PLEKHG5: variants seen among roughly 807,000 people sequenced by gnomAD.
PLEKHG5 encodes the protein pleckstrin homology and RhoGEF domain containing G5, also known as pleckstrin homology domain-containing family G member 5.
Under a neutral mutation model 103.8 loss-of-function variants are expected in PLEKHG5, and 52 were observed. The observed-to-expected ratio is 0.50, with a 90% CI of 0.40 to 0.63. The LOEUF (loss-of-function observed/expected upper bound fraction) is 0.63, where lower values mean the gene tolerates loss of function less well. Among genes scored for constraint, PLEKHG5 ranks in the 30% least tolerant of loss-of-function variants. The probability of loss-of-function intolerance (pLI) is 0.00; values close to 1 mark genes in which losing one functional copy is unlikely to be tolerated. For missense variants in PLEKHG5, 1,205 were observed against 1,347.6 expected (o/e 0.89, Z 1.66); for synonymous variants, 592 against 575.5 (o/e 1.03, Z -0.41).
At chr1:6,496,657 G>A, upstream of PLEKHG5, 3 of 923,580 alleles carry the variant, frequency 3.2e-6, no homozygotes, top group Non-Finnish European at 4.8e-6. Flanking sequence ...GAGGGGTGGG[G>A]TGATCTCCTC....
rs1011890166 is a variant in PLEKHG5 at position 6,486,816 on chromosome 1, C to T, written c.-88+4821G>A. On this transcript the variant is annotated intron_variant, in intron 1 of 20. Transcript: ENST00000377728. This position sits in a 1 kb window ranked among gnomAD's most constrained non-coding sequence, Gnocchi z 5.3. Reference sequence around the variant, plus strand: ...AGTGACATAAAGAGACAAAAGTCTACAGGCAAGACTGAAACTCAGACTGTG... The same window carrying T: ...AGTGACATAAAGAGACAAAAGTCTATAGGCAAGACTGAAACTCAGACTGTG... 6.6e-6 allele frequency among the ~76,000 whole-genome samples: 1 copy of T among 152,234 alleles called. No individual in the cohort carries two copies. The highest frequency in any genetic ancestry group is 1.5e-5 in the Non-Finnish European group (1 of 68,042).
At chr1:6,495,966 C>T (rs747926060), upstream of PLEKHG5, among the ~76,000 whole-genome samples, 18 of 152,322 alleles carry the variant, frequency 1.2e-4, no homozygotes, top group Non-Finnish European at 1.6e-4. Context: ...ATTTATACTT[C>T]GCCCCACTCC....
intron 15 of PLEKHG5, 31 bp downstream of exon 15, chr1:6,470,475 G>C: frequency 6.2e-7 from 1 of 1,610,800 alleles, no homozygotes; most frequent in Non-Finnish European, 8.5e-7. Context: ...CTCTCTCCCA[G>C]CCGGCAACCC....
intron 1 of PLEKHG5, among the ~76,000 whole-genome samples, chr1:6,481,922 C>G (rs1194708820): frequency 2.1e-5 from 3 of 142,652 alleles, no homozygotes; most frequent in East Asian, 4.1e-4. Context: ...ATGACATTGA[C>G]TTTTTTTTTT....
upstream of PLEKHG5, among the ~76,000 whole-genome samples, chr1:6,492,308 G>A (rs1166150492): frequency 1.3e-5 from 2 of 152,108 alleles, no homozygotes; most frequent in Non-Finnish European, 2.9e-5. Context: ...CCTCCTCCAT[G>A]CCCCCTTGTG....
rs1270864252 is a variant in PLEKHG5, at chr1:6,487,358, A to G, written c.-88+4279T>C. On this transcript the variant is annotated intron_variant, in intron 1 of 20. Coordinates refer to ENST00000377728, the MANE Select transcript of PLEKHG5 (RefSeq NM_020631.6). The surrounding 1 kb of genome is among the most constrained non-coding windows in gnomAD (Gnocchi z 4.1). ...ACTAACTCCTGATCTCAAGTGATCC[A>G]CCCCCACCTTGGCCTCCCAAAGTGC... Among the ~76,000 whole-genome samples the G allele has an allele frequency of 6.6e-6, 1 of 151,742 alleles. No individual in the cohort carries two copies. Among genetic ancestry groups the G allele is most frequent in the Non-Finnish European group, 1.5e-5 (1 of 67,908 alleles).
In PLEKHG5 at chr1:6,505,786, C is replaced by G. The variant is rs1638300769; in HGVS notation, c.-164-9217G>C. 6.6e-6 allele frequency among the ~76,000 whole-genome samples: 1 copy of G among 152,234 alleles called. No individual in the cohort carries two copies. Among genetic ancestry groups the G allele is most frequent in the African/African-American group, 2.4e-5 (1 of 41,460 alleles). On this transcript the variant is annotated intron_variant, in intron 1 of 21. Transcript: ENST00000377740. The surrounding 1 kb of genome is among the most constrained non-coding windows in gnomAD (Gnocchi z 4.2). Reference sequence around the variant, plus strand: ...CAGGGCCCACGCTGCCCAGCCAGGCCAGCCCTGGAGGAAGGACAGCCTCCT... The same window carrying G: ...CAGGGCCCACGCTGCCCAGCCAGGCGAGCCCTGGAGGAAGGACAGCCTCCT...
intron 1 of PLEKHG5, among the ~76,000 whole-genome samples, chr1:6,513,620 G>A (rs1638535539): frequency 6.6e-6 from 1 of 152,186 alleles, no homozygotes; most frequent in Non-Finnish European, 1.5e-5. Context: ...GAGAGACTGG[G>A]GCCCTCTCGA....
At chr1:6,512,271 C>T (rs975742384) in intron 1 of PLEKHG5, among the ~76,000 whole-genome samples, 15 of 152,310 alleles carry the variant, frequency 9.8e-5, no homozygotes, top group African/African-American at 1.9e-4. Flanking sequence ...GCTGTGGGGT[C>T]ATCCCAGGCC....
chr1:6,505,849 T>C lies in PLEKHG5; in HGVS notation c.-164-9280A>G, dbSNP rs1638302014. On this transcript the variant is annotated intron_variant, in intron 1 of 21. Coordinates refer to the PLEKHG5 transcript ENST00000377740. The surrounding 1 kb of genome is among the most constrained non-coding windows in gnomAD (Gnocchi z 4.2). ...TGCCCTCTGGCCCCCAGGGTCCTCA[T>C]TTCCGGGTCCTCTCCTGCACCAGCG... is the stretch of plus-strand genomic sequence containing the variant. 6.6e-6 allele frequency among the ~76,000 whole-genome samples: 1 copy of C among 152,160 alleles called. No individual in the cohort carries two copies. Among genetic ancestry groups the C allele is most frequent in the African/African-American group, 2.4e-5 (1 of 41,438 alleles).
Position 6,473,329 on chromosome 1 carries a change from G to A in PLEKHG5, c.717C>T (p.Gly239=), listed in dbSNP as rs1192560625. Residue 239 remains glycine (G), a synonymous_variant, in exon 8 of 21, where the codon GGC becomes GGT. Transcript: ENST00000377728. ...PSGSSGSTNT[G]DSWKNRAASR... is the part of the protein sequence containing the mutation. ...TGGCCGCCCGGTTCTTCCAGCTGTC[G>A]CCAGTGTTGGTGCTGCCACTGCTGC... 4.5e-6 allele frequency: 7 copies of A among 1,560,584 alleles called. No homozygotes were observed. The highest frequency in any genetic ancestry group is 1.4e-5 in the African/African-American group (1 of 73,434).
In PLEKHG5 at chr1:6,519,899, C is replaced by T. The variant is rs563375502; in HGVS notation, c.-619G>A. 4.6e-4 allele frequency: 149 copies of T among 325,346 alleles called. 1 individual carries two copies. The highest frequency in any genetic ancestry group is 1.1e-3 in the Middle Eastern group (1 of 934). The allele number at this position is 325,346 out of a possible 1,614,324, so 20.2% of individuals were successfully genotyped here. ...ACACTGCTGGCTGCCCTGGAGGTGC[C>T]GTCCCTCCTTTCCAGGAAAGCAACA... is the stretch of plus-strand genomic sequence containing the variant. On this transcript the variant is annotated 5_prime_UTR_variant, in exon 1 of 22. Transcript: ENST00000377740.
At chr1:6,494,164 CTT>C (rs1054969731), upstream of PLEKHG5, among the ~76,000 whole-genome samples, 51 of 98,888 alleles carry the variant, frequency 5.2e-4, no homozygotes, top group Middle Eastern at 0.011. Context: ...GAGTCTTGCT[CTT>C]GTTGCCCAGG....
At chr1:6,491,798 A>G (rs865869882), upstream of PLEKHG5, 3 of 475,228 alleles carry the variant, frequency 6.3e-6, no homozygotes, top group Non-Finnish European at 8.2e-6. The surrounding 1 kb of genome is among the most constrained non-coding windows in gnomAD (Gnocchi z 4.1). Flanking sequence ...CTCCCATCCA[A>G]CCTCCACTCC....
chr1:6,502,905 C>T (rs369667080), intron 1 of PLEKHG5, among the ~76,000 whole-genome samples: 15 of 152,310 alleles, frequency 9.8e-5, no homozygotes, highest in Middle Eastern at 3.4e-3. Context: ...TGCAGCCCCC[C>T]GGCGCCTCTC....
chr1:6,471,286 G>A, intron 12 of PLEKHG5, 186 bp from the exon 13 acceptor site: 1 of 769,708 alleles, frequency 1.3e-6, no homozygotes, highest in Non-Finnish European at 2.2e-6. Context: ...CCCGTGGCCA[G>A]GGATCAGGGG....
At chr1:6,509,898 G>A (rs986217673) in intron 1 of PLEKHG5, among the ~76,000 whole-genome samples, 13 of 152,200 alleles carry the variant, frequency 8.5e-5, no homozygotes, top group African/African-American at 3.1e-4. Context: ...ACTTGGTGGG[G>A]AGTCCCTGTA....
chr1:6,511,379 TG>T (rs1239621901), intron 1 of PLEKHG5, among the ~76,000 whole-genome samples: 1 of 152,220 alleles, frequency 6.6e-6, no homozygotes, highest in Admixed American at 6.5e-5. Context: ...TCCTCCAGCC[TG>T]GGTTTCCTCC....
At chr1:6,472,196 A>G (rs1644612351) in intron 10 of PLEKHG5, among the ~76,000 whole-genome samples, 1 of 152,134 alleles carries the variant, frequency 6.6e-6, no homozygotes, top group Non-Finnish European at 1.5e-5. Context: ...CTGAGCCGAA[A>G]TCCCTACACT....
Sources: gnomAD v4.1 joint callset for allele counts (sites outside exome capture counted in the v4.1 genomes callset) on GRCh38, gnomAD v4.1.1 for gene constraint, Gnocchi (gnomAD v3.1) non-coding constraint, MANE v1.5 for transcripts, NCBI Gene and HGNC (gene_info 2026-07-23, HGNC 2026-07-21) for gene names.